Variants in ERFL observed in about 807,000 individuals in gnomAD.
ERFL encodes the protein ETS repressor factor like.
ERFL carries 8 observed loss-of-function variants against 27.9 expected under a neutral mutation model. The observed-to-expected ratio is 0.29, with a 90% CI of 0.17 to 0.52. The LOEUF (loss-of-function observed/expected upper bound fraction) is 0.52, where lower values mean the gene tolerates loss of function less well. ERFL is among the 20% of genes least tolerant of loss of function. ERFL has a pLI of 0.97. For synonymous variants in ERFL, 174 were observed against 202.8 expected (o/e 0.86, Z 1.21); for missense variants, 294 against 444.4 (o/e 0.66, Z 3.04).
intron 1 of ERFL, among the ~76,000 whole-genome samples, chr19:41,924,452 A>G (rs2074859846): frequency 6.6e-6 from 1 of 152,042 alleles, no homozygotes; most frequent in Non-Finnish European, 1.5e-5. Context: ...GGTGTGAAGA[A>G]CTTGGTGTCT....
intron 1 of ERFL, among the ~76,000 whole-genome samples, chr19:41,924,473 T>C (rs1386957013): frequency 6.6e-6 from 1 of 152,020 alleles, no homozygotes. Flanking sequence ...GTCACAGAGA[T>C]GGATGGTGGT....
chr19:41,914,601 T>C lies in ERFL; in HGVS notation c.-13-1669A>G, dbSNP rs569504340. Among the ~76,000 whole-genome samples the C allele has an allele frequency of 5.1e-4, 33 of 64,522 alleles. 3 individuals carry two copies. Among genetic ancestry groups the C allele is most frequent in the Non-Finnish European group, 6.8e-4 (23 of 33,860 alleles). 42.3% of individuals were successfully genotyped at this position (64,522 alleles called of 152,430 possible). Reference sequence around the variant, plus strand: ...TCTCTCCCTCCCTTTCCACCATCTCTGTCTCTCCCTCCCCTTCCACCATCT... The same window carrying C: ...TCTCTCCCTCCCTTTCCACCATCTCCGTCTCTCCCTCCCCTTCCACCATCT... On this transcript the variant is annotated intron_variant, in intron 1 of 5. Transcript: ENST00000597630.
Position 41,927,539 on chromosome 19 carries a change from C to T in ERFL, c.-14+501G>A, listed in dbSNP as rs533717342. Among the ~76,000 whole-genome samples, 30 of 152,236 alleles carry T rather than the reference C, an allele frequency of 2.0e-4. 1 individual carries two copies. The highest frequency in any genetic ancestry group is 1.9e-3 in the Admixed American group (29 of 15,300). On this transcript the variant is annotated intron_variant, in intron 1 of 5. Coordinates refer to ENST00000597630, the MANE Select transcript of ERFL (RefSeq NM_001365103.2). ...AGTCCTGACTCCCAGCCCCAGTCAG[C>T]TCCCAACCTCAGATATCTAGATCTT...
At position 41,908,606 on chromosome 19, in the gene ERFL, C is replaced by T; in HGVS notation, c.687G>A (p.Trp229Ter). 1 of 1,231,770 alleles carries T rather than the reference C, an allele frequency of 8.1e-7. No homozygotes were observed. Among genetic ancestry groups the T allele is most frequent in the Non-Finnish European group, 1.0e-6 (1 of 988,124 alleles). 76.3% of individuals were successfully genotyped at this position (1,231,770 alleles called of 1,614,324 possible). A position where few individuals can be genotyped will look rare whatever the true frequency, so the allele number is the denominator to read the frequency against. ...GGCCCGTGAGGTACGGGTTAAAGTT[C>T]CAGGGGTACTCAGGGAAGGCGCGGC... ...PYGRAFPEYP[W>*]NFNPYLTGPF... Residue 229 changes from tryptophan (W) to a stop codon, truncating the protein, a stop_gained, in exon 6 of 6, where the codon TGG becomes TGA. Transcript: ENST00000597630. LOFTEE classifies it high-confidence loss of function. The surrounding 1 kb of genome is among the most constrained non-coding windows in gnomAD (Gnocchi z 6.7).
rs535805852 is a variant in ERFL at position 41,907,782 on chromosome 19, G to A, written c.*446C>T. 1 of 191,598 alleles carries A rather than the reference G, an allele frequency of 5.2e-6. No homozygotes were observed. Among genetic ancestry groups the A allele is most frequent in the Non-Finnish European group, 1.1e-5 (1 of 94,726 alleles). 11.9% of individuals were successfully genotyped at this position (191,598 alleles called of 1,614,324 possible). A position where few individuals can be genotyped will look rare whatever the true frequency, so the allele number is the denominator to read the frequency against. Reference sequence around the variant, plus strand: ...GGATCATGGGGAGCTGGTGGGGAGGGGGGCCCCTCCTGGGTGGGGGCTGGG... The same window carrying A: ...GGATCATGGGGAGCTGGTGGGGAGGAGGGCCCCTCCTGGGTGGGGGCTGGG... On this transcript the variant is annotated 3_prime_UTR_variant, in exon 6 of 6. Transcript: ENST00000597630.
chr19:41,910,124 T>G lies in ERFL; in HGVS notation c.68-27A>C. 1 of 1,596,760 alleles carries G rather than the reference T, an allele frequency of 6.3e-7. No homozygotes were observed. The highest frequency in any genetic ancestry group is 1.1e-5 in the South Asian group (1 of 88,916). On this transcript the variant is annotated intron_variant, in intron 2 of 5. Coordinates refer to ENST00000597630, the MANE Select transcript of ERFL (RefSeq NM_001365103.2). The surrounding 1 kb of genome is among the most constrained non-coding windows in gnomAD (Gnocchi z 4.4). ...TGGGGACGGGAGGCAGGGAGTGGCC[T>G]GGGGTCAGGATGCCAAGTCCAGGGC...
intron 1 of ERFL, among the ~76,000 whole-genome samples, chr19:41,913,897 C>T (rs2074769970): frequency 6.6e-6 from 1 of 151,088 alleles, no homozygotes; most frequent in East Asian, 2.0e-4. Context: ...GGCACTTCAG[C>T]CCCTCACTGC....
At chr19:41,915,926 TC>T in intron 1 of ERFL, among the ~76,000 whole-genome samples, 1 of 151,116 alleles carries the variant, frequency 6.6e-6, no homozygotes, top group Non-Finnish European at 1.5e-5. Flanking sequence ...GCAGCCACAA[TC>T]CCCCACCCCC....
chr19:41,916,940 C>T lies in ERFL; in HGVS notation c.-13-4008G>A, dbSNP rs1471984441. ...CCCCAACCCAAGGCCCCTGCCACTC[C>T]TGCTCCCACCATCCCCATCTGTCTG... On this transcript the variant is annotated intron_variant, in intron 1 of 5. Coordinates refer to ENST00000597630, the MANE Select transcript of ERFL (RefSeq NM_001365103.2). This position sits in a 1 kb window ranked among gnomAD's most constrained non-coding sequence, Gnocchi z 5.4. Among the ~76,000 whole-genome samples the T allele has an allele frequency of 3.9e-5, 6 of 152,178 alleles. No homozygotes were observed. Among genetic ancestry groups the T allele is most frequent in the African/African-American group, 1.4e-4 (6 of 41,448 alleles).
intron 1 of ERFL, among the ~76,000 whole-genome samples, chr19:41,915,946 C>T (rs1364861393): frequency 2.0e-5 from 3 of 152,126 alleles, no homozygotes; most frequent in East Asian, 1.9e-4. Flanking sequence ...CCCTCCCCCC[C>T]GCCGGCCGGC....
intron 1 of ERFL, among the ~76,000 whole-genome samples, chr19:41,914,145 C>T (rs2074771923): frequency 6.6e-6 from 1 of 150,592 alleles, no homozygotes; most frequent in Non-Finnish European, 1.5e-5. Flanking sequence ...GGTCTCCCCA[C>T]AGAGGCCCCA....
chr19:41,912,582 C>T (rs1224386842), intron 2 of ERFL, among the ~76,000 whole-genome samples: 2 of 152,148 alleles, frequency 1.3e-5, no homozygotes, highest in African/African-American at 4.8e-5. Flanking sequence ...GCCCGGGCCT[C>T]GGGCCCCTCC....
chr19:41,926,151 G>A (rs1318809985), intron 1 of ERFL, among the ~76,000 whole-genome samples: 2 of 152,032 alleles, frequency 1.3e-5, no homozygotes, highest in African/African-American at 4.8e-5. Flanking sequence ...AAAATGCAGG[G>A]ATTCCAGTGG....
chr19:41,925,019 G>C (rs1320386971), intron 1 of ERFL, among the ~76,000 whole-genome samples: 5 of 152,148 alleles, frequency 3.3e-5, no homozygotes, highest in Non-Finnish European at 5.9e-5. Flanking sequence ...TGGATGTTTG[G>C]GGGGAGGAAA....
intron 1 of ERFL, among the ~76,000 whole-genome samples, chr19:41,920,366 CAT>C (rs1335213147): frequency 7.0e-6 from 1 of 143,620 alleles, no homozygotes; most frequent in African/African-American, 2.6e-5. Flanking sequence ...GACGCACAGA[CAT>C]GACATGTTCA....
In ERFL at chr19:41,909,775, G is replaced by C; in HGVS notation, c.302+88C>G. ...GCCCTGTGCCTTGTGGGATCCAGCA[G>C]GAACCTGCCCCAGGATGCAGAGGGG... On this transcript the variant is annotated intron_variant, in intron 3 of 5. Transcript: ENST00000597630. This position sits in a 1 kb window ranked among gnomAD's most constrained non-coding sequence, Gnocchi z 5.2. The C allele has an allele frequency of 7.1e-7, 1 of 1,402,596 alleles. No individual in the cohort carries two copies. Among genetic ancestry groups the C allele is most frequent in the South Asian group, 1.4e-5 (1 of 71,818 alleles). The allele number at this position is 1,402,596 out of a possible 1,614,324, so 86.9% of individuals were successfully genotyped here.
In ERFL at chr19:41,917,385, T is replaced by C. The variant is rs1334502009; in HGVS notation, c.-13-4453A>G. 1.3e-5 allele frequency among the ~76,000 whole-genome samples: 2 copies of C among 151,692 alleles called. No homozygotes were observed. The highest frequency in any genetic ancestry group is 2.9e-5 in the Non-Finnish European group (2 of 67,938). The stretch of plus-strand genomic sequence containing the variant: ...CCCCCCTGGGCTGGGGTTTAACCAG[T>C]TGTTTTGATTTCTCTAAGCTGCGCC... On this transcript the variant is annotated intron_variant, in intron 1 of 5. Transcript: ENST00000597630. The surrounding 1 kb of genome is among the most constrained non-coding windows in gnomAD (Gnocchi z 4.8).
At chr19:41,919,791 T>G (rs1568834949) in intron 1 of ERFL, among the ~76,000 whole-genome samples, 1 of 151,528 alleles carries the variant, frequency 6.6e-6, no homozygotes, top group African/African-American at 2.4e-5. Context: ...CCCTCAGAGA[T>G]AACTGCCCCA....
At chr19:41,914,328 C>T (rs1007350883) in intron 1 of ERFL, among the ~76,000 whole-genome samples, 17 of 151,328 alleles carry the variant, frequency 1.1e-4, no homozygotes, top group African/African-American at 4.1e-4. Context: ...TCTCCCCCCA[C>T]CATCTCCCTT....
Sources: gnomAD v4.1 joint callset for allele counts (sites outside exome capture counted in the v4.1 genomes callset) on GRCh38, gnomAD v4.1.1 for gene constraint, Gnocchi (gnomAD v3.1) non-coding constraint, MANE v1.5 for transcripts, NCBI Gene and HGNC (gene_info 2026-07-23, HGNC 2026-07-21) for gene names.